The following VWCE variants were observed in gnomAD, a reference collection of about 807,000 sequenced individuals.
The protein encoded by VWCE is von Willebrand factor C and EGF domain-containing protein.
VWCE carries 68 observed loss-of-function variants against 102.9 expected under a neutral mutation model. That is an observed-to-expected ratio of 0.66 (90% confidence interval 0.54 to 0.81). VWCE has a LOEUF of 0.81. Ranked by LOEUF, VWCE falls within the 30% of genes least tolerant of loss-of-function variation. VWCE has a pLI of 0.00. For missense variants in VWCE, 1,137 were observed against 1,263.6 expected, an observed-to-expected ratio of 0.90 and a Z score of 1.52; for synonymous variants, 497 against 515.4, an observed-to-expected ratio of 0.96 and a Z score of 0.48.
chr11:61,264,736 A>C (rs892860813), intron 18 of VWCE, among the ~76,000 whole-genome samples, 159 bp from the exon 19 acceptor site: 1 of 152,254 alleles, frequency 6.6e-6, no homozygotes, highest in Non-Finnish European at 1.5e-5. Flanking sequence ...AGGTAAAGCC[A>C]GCTATGGCAG....
rs757913453 is a variant in VWCE, at chr11:61,280,927, CCAT to C, written c.1093_1095del (p.Met365del). On this transcript the variant is annotated inframe_deletion, in exon 8 of 20. Transcript: ENST00000335613. Reference sequence around the variant, plus strand: ...GGGCCCCTGGGTGAGGAAGGGGTCCCCATCACCTCCCCCTGAAGGAGTGAGGGG... The same window carrying C: ...GGGCCCCTGGGTGAGGAAGGGGTCCCCACCTCCCCCTGAAGGAGTGAGGGG... 2.6e-6 allele frequency: 4 copies of C among 1,527,216 alleles called. No individual in the cohort carries two copies. The highest frequency in any genetic ancestry group is 8.8e-7 in the Non-Finnish European group (1 of 1,139,676). 94.6% of individuals were successfully genotyped at this position (1,527,216 alleles called of 1,614,324 possible). A position where few individuals can be genotyped will look rare whatever the true frequency, so the allele number is the denominator to read the frequency against.
Position 61,276,624 on chromosome 11 carries a change from G to A in VWCE, c.1464C>T (p.Pro488=), listed in dbSNP as rs756219515. ...PECPSGPCQT[P]PQTDCCTCVP... ...CACAAGTACAGCAATCCGTCTGTGGGGGGGTCTGACAGGGGCCAGAAGGAC... is the reference window on the plus strand; with the variant it reads ...CACAAGTACAGCAATCCGTCTGTGGAGGGGTCTGACAGGGGCCAGAAGGAC... Residue 488 remains proline, a synonymous_variant, in exon 11 of 20, where the codon CCC becomes CCT. Transcript: ENST00000335613. 1.9e-6 allele frequency: 3 copies of A among 1,606,800 alleles called. No individual in the cohort carries two copies. Among genetic ancestry groups the A allele is most frequent in the African/African-American group, 1.3e-5 (1 of 74,314 alleles).
intron 19 of VWCE, among the ~76,000 whole-genome samples, chr11:61,261,585 A>G (rs1854361711): frequency 6.6e-6 from 1 of 152,066 alleles, no homozygotes; most frequent in African/African-American, 2.4e-5. Context: ...CTAAAAAAAA[A>G]AAAGTAAAAA....
intron 4 of VWCE, among the ~76,000 whole-genome samples, chr11:61,289,065 C>G (rs1196825915): frequency 6.6e-6 from 1 of 151,860 alleles, no homozygotes; most frequent in Non-Finnish European, 1.5e-5. Flanking sequence ...GTCTCGAACC[C>G]CTGACCTCGT....
In VWCE at chr11:61,291,349, G is replaced by A. The variant is rs1318492784; in HGVS notation, c.210C>T (p.Leu70=). The A allele has an allele frequency of 1.2e-6, 2 of 1,612,634 alleles. No individual in the cohort carries two copies. The highest frequency in any genetic ancestry group is 2.7e-5 in the African/African-American group (2 of 74,944). ...SMGGGHCTLP[L]CSFGCGSGIC... is the part of the protein sequence containing the mutation. ...TGCCACTCCCACAGCCGAAGGAGCA[G>A]AGGGCTGAGAGGAGAAGTGCAGGTG... Residue 70 remains leucine, a synonymous_variant, in exon 3 of 20, where the codon CTC becomes CTT. Coordinates refer to ENST00000335613, the MANE Select transcript of VWCE (RefSeq NM_152718.2).
chr11:61,275,796 C>T (rs182407915), intron 11 of VWCE, among the ~76,000 whole-genome samples: 1 of 152,272 alleles, frequency 6.6e-6, no homozygotes, highest in East Asian at 1.9e-4. Flanking sequence ...GGAAAGAAAA[C>T]CTTGTTTTTA....
chr11:61,262,659 C>T (rs1854394596), intron 19 of VWCE, among the ~76,000 whole-genome samples: 1 of 152,150 alleles, frequency 6.6e-6, no homozygotes, highest in African/African-American at 2.4e-5. Flanking sequence ...GCCACCCGCC[C>T]TAAAAGCTCA....
intron 14 of VWCE, among the ~76,000 whole-genome samples, chr11:61,270,714 G>C (rs961746438): frequency 1.3e-5 from 2 of 152,002 alleles, no homozygotes; most frequent in Non-Finnish European, 2.9e-5. Flanking sequence ...TGGGTCTCAG[G>C]CTACCCCACT....
At chr11:61,278,856 T>C (rs1855019148) in intron 9 of VWCE, among the ~76,000 whole-genome samples, 1 of 151,922 alleles carries the variant, frequency 6.6e-6, no homozygotes, top group Admixed American at 6.6e-5. Flanking sequence ...CCGGCCAACA[T>C]GGTGAAACCC....
At chr11:61,265,358 G>A in intron 16 of VWCE, 146 bp from the exon 17 acceptor site, 1 of 687,306 alleles carries the variant, frequency 1.5e-6, no homozygotes, top group Non-Finnish European at 2.3e-6. Context: ...GGGGCAGGGG[G>A]CGCATTTTCT....
chr11:61,292,862 C>A (rs1855550252), intron 1 of VWCE, among the ~76,000 whole-genome samples: 1 of 151,982 alleles, frequency 6.6e-6, no homozygotes, highest in Non-Finnish European at 1.5e-5. Flanking sequence ...AGAGAGAAAA[C>A]TTTGGGAGGC....
intron 4 of VWCE, among the ~76,000 whole-genome samples, chr11:61,289,191 A>C (rs1855422644): frequency 6.6e-6 from 1 of 152,084 alleles, no homozygotes; most frequent in African/African-American, 2.4e-5. Flanking sequence ...TAAATAAGGG[A>C]CAACAGACAA....
chr11:61,274,407 T>C, intron 12 of VWCE, 92 bp downstream of exon 12: 1 of 1,234,586 alleles, frequency 8.1e-7, no homozygotes, highest in South Asian at 1.3e-5. Context: ...TGACAACTCA[T>C]GTTCTCCTAG....
Position 61,290,798 on chromosome 11 carries a change from C to T in VWCE, c.424+1G>A, listed in dbSNP as rs376096778. The T allele has an allele frequency of 6.2e-7, 1 of 1,611,004 alleles. No individual in the cohort carries two copies. The highest frequency in any genetic ancestry group is 8.5e-7 in the Non-Finnish European group (1 of 1,178,716). ...TCCCCCACCACTCCCAGGCGTCTCACCTGTACACCTGATGCCAACAGCTGT... is the reference window on the plus strand; with the variant it reads ...TCCCCCACCACTCCCAGGCGTCTCATCTGTACACCTGATGCCAACAGCTGT... On this transcript the variant is annotated splice_donor_variant, in intron 4 of 19. Transcript: ENST00000335613. LOFTEE classifies it high-confidence loss of function.
At chr11:61,292,982 T>C (rs1340607358) in intron 1 of VWCE, among the ~76,000 whole-genome samples, 20 of 149,310 alleles carry the variant, frequency 1.3e-4, no homozygotes, top group African/African-American at 4.7e-4. Flanking sequence ...TGGCTCACGC[T>C]TGTAATCCCA....
At chr11:61,272,377 GCACATACA>G (rs1854744619) in intron 13 of VWCE, among the ~76,000 whole-genome samples, 1 of 150,748 alleles carries the variant, frequency 6.6e-6, no homozygotes, top group African/African-American at 2.4e-5. Context: ...ACACTTACAT[GCACATACA>G]CACATACAGA....
intron 19 of VWCE, among the ~76,000 whole-genome samples, chr11:61,261,725 G>T (rs1854365805): frequency 6.6e-6 from 1 of 151,442 alleles, no homozygotes; most frequent in Non-Finnish European, 1.5e-5. Flanking sequence ...AGGATTGCTT[G>T]AGCCCAGGGG....
intron 16 of VWCE, among the ~76,000 whole-genome samples, chr11:61,265,907 G>A (rs559295686): frequency 5.3e-5 from 8 of 152,184 alleles, no homozygotes; most frequent in East Asian, 1.9e-4. Flanking sequence ...TTAGCTGGGC[G>A]TGGTGGTGCG....
At chr11:61,268,120 A>ATT (rs1854566105) in intron 15 of VWCE, among the ~76,000 whole-genome samples, 1 of 150,364 alleles carries the variant, frequency 6.7e-6, no homozygotes, top group Non-Finnish European at 1.5e-5. Flanking sequence ...TTATATATAT[A>ATT]TTATATATAT....
Sources: allele counts gnomAD v4.1 joint callset (sites outside exome capture counted in the v4.1 genomes callset), GRCh38; gene constraint gnomAD v4.1.1; transcripts MANE v1.5; gene names NCBI Gene and HGNC (gene_info 2026-07-23, HGNC 2026-07-21).